KCNQ4: variants seen among roughly 807,000 people sequenced by gnomAD.
KCNQ4 encodes the protein potassium voltage-gated channel subfamily Q member 4.
In KCNQ4, 31 loss-of-function variants were observed where a neutral mutation model predicts 72.6. The ratio of observed to expected loss-of-function variants is 0.43; its 90% CI spans 0.32 to 0.58. The LOEUF is 0.58. KCNQ4 is among the 20% of genes least tolerant of loss of function. The pLI is 0.08. For synonymous variants in KCNQ4, 405 were observed against 403.7 expected (o/e 1.00, Z -0.04); for missense variants, 869 against 962.6 (o/e 0.90, Z 1.29).
chr1:40,833,235 C>T, intron 11 of KCNQ4, 122 bp downstream of exon 11: 1 of 691,250 alleles, frequency 1.4e-6, no homozygotes, highest in South Asian at 1.5e-5. Context: ...ATGGTGAAAC[C>T]CCGTCTCTAC....
Position 40,797,045 on chromosome 1 carries a change from T to G in KCNQ4, c.314+12638T>G, listed in dbSNP as rs562829876. ...CATTTGAGAAACCTTCACTTCTAAA[T>G]GAAGTTCAGCTGCTTATGCCAGTCT... On this transcript the variant is annotated intron_variant, in intron 1 of 13. Coordinates refer to ENST00000347132, the MANE Select transcript of KCNQ4 (RefSeq NM_004700.4). 1.1e-3 allele frequency among the ~76,000 whole-genome samples: 169 copies of G among 152,354 alleles called. 1 individual carries two copies. In the South Asian group the frequency reaches 0.013, roughly 11 times the overall value.
chr1:40,783,931 G>GCGCC lies in KCNQ4; in HGVS notation c.-155_-152dup, dbSNP rs1490534251. The GCGCC allele has an allele frequency of 6.8e-6, 1 of 146,986 alleles. No individual in the cohort carries two copies. Among genetic ancestry groups the GCGCC allele is most frequent in the East Asian group, 2.1e-4 (1 of 4,872 alleles). The allele number at this position is 146,986 out of a possible 1,614,324, so 9.1% of individuals were successfully genotyped here. ...GGCTCCGGCGGCCCCCAGGCTCCGAGCGCCCGCCCGCGGCCCCGGCCCGGC... is the reference window on the plus strand; with the variant it reads ...GGCTCCGGCGGCCCCCAGGCTCCGAGCGCCCGCCCGCCCGCGGCCCCGGCCCGGC... On this transcript the variant is annotated 5_prime_UTR_variant, in exon 1 of 14. It removes the in-frame stop codon of an upstream open reading frame in the 5' UTR. Transcript: ENST00000347132. This position sits in a 1 kb window ranked among gnomAD's most constrained non-coding sequence, Gnocchi z 4.4.
chr1:40,817,993 G>A lies in KCNQ4; in HGVS notation c.406-171G>A, dbSNP rs1193974958. Among the ~76,000 whole-genome samples, 1 of 152,110 alleles carries A rather than the reference G, an allele frequency of 6.6e-6. No homozygotes were observed. Among genetic ancestry groups the A allele is most frequent in the Admixed American group, 6.5e-5 (1 of 15,278 alleles). ...TAGGGCTTTTAGTCTTCTTGCAGGA[G>A]GCGGAGGGGGCCACCTGCCCTCCGG... is the stretch of plus-strand genomic sequence containing the variant. On this transcript the variant is annotated intron_variant, in intron 2 of 13. Transcript: ENST00000347132. This position sits in a 1 kb window ranked among gnomAD's most constrained non-coding sequence, Gnocchi z 5.5.
chr1:40,819,277 G>T, intron 4 of KCNQ4, 70 bp from the exon 5 acceptor site: 4 of 1,590,168 alleles, frequency 2.5e-6, no homozygotes, highest in Middle Eastern at 1.7e-4. Context: ...TCCCTTTCCC[G>T]TGTGGAAGCC....
chr1:40,820,129 C>A, intron 6 of KCNQ4, 36 bp from the exon 7 acceptor site: 1 of 1,576,908 alleles, frequency 6.3e-7, no homozygotes, highest in Non-Finnish European at 8.7e-7. Flanking sequence ...CCCACCACTG[C>A]CAGCACATTC....
At chr1:40,810,234 A>G (rs528908011) in intron 1 of KCNQ4, among the ~76,000 whole-genome samples, 4 of 152,212 alleles carry the variant, frequency 2.6e-5, no homozygotes, top group East Asian at 3.9e-4. Context: ...CTCGACGGCC[A>G]CATTCCCACT....
chr1:40,813,720 A>G (rs1647996591), intron 1 of KCNQ4, among the ~76,000 whole-genome samples: 1 of 152,130 alleles, frequency 6.6e-6, no homozygotes, highest in African/African-American at 2.4e-5. Flanking sequence ...GGCAGGATCC[A>G]AAGTGGGCTT....
intron 1 of KCNQ4, chr1:40,805,154 T>C (rs1298884251): frequency 7.4e-6 from 1 of 134,990 alleles, no homozygotes; most frequent in East Asian, 2.1e-4. Flanking sequence ...AAAATAAAAA[T>C]AAACAAAACA....
In KCNQ4 at chr1:40,837,091, CTTTT is replaced by C. The variant is rs370300997; in HGVS notation, c.1746-563_1746-560del. On this transcript the variant is annotated intron_variant, in intron 12 of 13. Coordinates refer to ENST00000347132, the MANE Select transcript of KCNQ4 (RefSeq NM_004700.4). Reference sequence around the variant, plus strand: ...TCCATCTTTTCTTTTCTTTTCTTTTCTTTTTTTTTTTTTTGAGACAGTATCTTGC... The same window carrying C: ...TCCATCTTTTCTTTTCTTTTCTTTTCTTTTTTTTTTGAGACAGTATCTTGC... Among the ~76,000 whole-genome samples the C allele has an allele frequency of 3.7e-3, 348 of 93,080 alleles. 3 individuals carry two copies. The highest frequency in any genetic ancestry group is 0.02 in the African/African-American group (331 of 16,456). 61.1% of individuals were successfully genotyped at this position (93,080 alleles called of 152,430 possible). A position where few individuals can be genotyped will look rare whatever the true frequency, so the allele number is the denominator to read the frequency against.
At chr1:40,820,875 G>A (rs1430144070) in intron 7 of KCNQ4, among the ~76,000 whole-genome samples, 1 of 152,208 alleles carries the variant, frequency 6.6e-6, no homozygotes, top group Non-Finnish European at 1.5e-5. Context: ...CTGATTTTCT[G>A]TGACCCTGGG....
In KCNQ4 at chr1:40,833,074, A is replaced by C; in HGVS notation, c.1574A>C (p.Asp525Ala). ...KSYQCELTVD[D>A]IMPAVKTVIR... ...TACCAGTGTGAGCTCACGGTGGACGACATCATGCCTGCTGTGAAGACAGTC... is the reference window on the plus strand; with the variant it reads ...TACCAGTGTGAGCTCACGGTGGACGCCATCATGCCTGCTGTGAAGACAGTC... Residue 525 changes from aspartate (D) to alanine (A), a missense_variant, in exon 11 of 14, where the codon GAC becomes GCC. Asp to Ala is a moderately radical substitution (Grantham distance 126). Coordinates refer to ENST00000347132, the MANE Select transcript of KCNQ4 (RefSeq NM_004700.4). 1.9e-6 allele frequency: 3 copies of C among 1,613,116 alleles called. No homozygotes were observed. The South Asian group carries it at 3.3e-5, about 18-fold the overall frequency.
Position 40,794,752 on chromosome 1 carries a change from GA to G in KCNQ4, c.314+10346del, listed in dbSNP as rs1289222863. Among the ~76,000 whole-genome samples the G allele has an allele frequency of 1.3e-5, 2 of 152,116 alleles. No individual in the cohort carries two copies. Among genetic ancestry groups the G allele is most frequent in the Non-Finnish European group, 2.9e-5 (2 of 68,026 alleles). On this transcript the variant is annotated intron_variant, in intron 1 of 13. Coordinates refer to ENST00000347132, the MANE Select transcript of KCNQ4 (RefSeq NM_004700.4). This position sits in a 1 kb window ranked among gnomAD's most constrained non-coding sequence, Gnocchi z 4.2. Reference sequence around the variant, plus strand: ...TCCTTGCTTGGCAAAATAAAAAGTTGACAACCTTATGCAGTCCCCAAAGTGT... The same window carrying G: ...TCCTTGCTTGGCAAAATAAAAAGTTGCAACCTTATGCAGTCCCCAAAGTGT...
intron 9 of KCNQ4, among the ~76,000 whole-genome samples, chr1:40,824,601 G>A (rs887545365): frequency 1.3e-5 from 2 of 152,126 alleles, no homozygotes; most frequent in Admixed American, 6.5e-5. Context: ...CATCCCTCCC[G>A]GGAAGCTGGA....
intron 1 of KCNQ4, among the ~76,000 whole-genome samples, chr1:40,786,705 C>G (rs537981233): frequency 6.6e-6 from 1 of 152,114 alleles, no homozygotes; most frequent in Non-Finnish European, 1.5e-5. Flanking sequence ...GTTGTCAAAG[C>G]GGGTAGAAAC....
At position 40,822,323 on chromosome 1, in the gene KCNQ4, C is replaced by G; in HGVS notation, c.1051C>G (p.Arg351Gly). The G allele has an allele frequency of 3.1e-6, 5 of 1,613,056 alleles. No individual in the cohort carries two copies. Among genetic ancestry groups the G allele is most frequent in the Non-Finnish European group, 4.2e-6 (5 of 1,179,442 alleles). The change falls in exon 8 of 14, where the codon CGC becomes GGC. Residue 351 changes from arginine (R) to glycine (G), a missense_variant. Physicochemically the swap from Arg to Gly is moderately radical, Grantham distance 125. Coordinates refer to ENST00000347132, the MANE Select transcript of KCNQ4 (RefSeq NM_004700.4). Reference sequence around the variant, plus strand: ...TCCCCCATACCACCAGGCTGCCTGGCGCCTGTACTCCACCGATATGAGCCG... The same window carrying G: ...TCCCCCATACCACCAGGCTGCCTGGGGCCTGTACTCCACCGATATGAGCCG... ...PAANLIQAAW[R>G]LYSTDMSRAY...
intron 1 of KCNQ4, among the ~76,000 whole-genome samples, chr1:40,810,149 G>T (rs1255363907): frequency 3.3e-5 from 5 of 152,106 alleles, no homozygotes; most frequent in African/African-American, 1.2e-4. Flanking sequence ...CCCTGGGTCT[G>T]GCCCTCTCTG....
At chr1:40,809,423 A>T (rs1007779194) in intron 1 of KCNQ4, among the ~76,000 whole-genome samples, 1 of 151,896 alleles carries the variant, frequency 6.6e-6, no homozygotes, top group African/African-American at 2.4e-5. Flanking sequence ...CTCTCTCAAC[A>T]TGCCCACCAC....
intron 1 of KCNQ4, among the ~76,000 whole-genome samples, chr1:40,799,568 C>T (rs949224099): frequency 3.9e-5 from 6 of 152,188 alleles, no homozygotes; most frequent in Admixed American, 6.5e-5. Flanking sequence ...CTGAGCTGGG[C>T]TACCTGAGTT....
chr1:40,824,702 G>A (rs997221209), intron 9 of KCNQ4, among the ~76,000 whole-genome samples: 12 of 152,102 alleles, frequency 7.9e-5, no homozygotes, highest in Non-Finnish European at 1.3e-4. Context: ...CCCCTCCCCC[G>A]GCATGTTGCT....
Sources: gnomAD v4.1 joint callset for allele counts (sites outside exome capture counted in the v4.1 genomes callset) on GRCh38, gnomAD v4.1.1 for gene constraint, Gnocchi (gnomAD v3.1) non-coding constraint, MANE v1.5 for transcripts, NCBI Gene and HGNC (gene_info 2026-07-23, HGNC 2026-07-21) for gene names.